CWF19L2: variants seen among roughly 807,000 people sequenced by gnomAD.
CWF19L2 encodes CWF19-like protein 2.
CWF19L2 carries 98 observed loss-of-function variants against 111.7 expected under a neutral mutation model. The observed-to-expected ratio is 0.88, with a 90% confidence interval of 0.75 to 1.04. CWF19L2 has a LOEUF of 1.04. Ranked by LOEUF, CWF19L2 falls within the 50% of genes least tolerant of loss-of-function variation. The probability of loss-of-function intolerance (pLI) is 0.00; values close to 1 mark genes in which losing one functional copy is unlikely to be tolerated. For missense variants in CWF19L2, 1,101 were observed against 1,051.4 expected, an observed-to-expected ratio of 1.05 and a Z score of -0.65; for synonymous variants, 351 against 342.9, an observed-to-expected ratio of 1.02 and a Z score of -0.26.
At chr11:107,337,135 T>C (rs989914327) in intron 14 of CWF19L2, among the ~76,000 whole-genome samples, 3 of 152,218 alleles carry the variant, frequency 2.0e-5, no homozygotes, top group Non-Finnish European at 1.5e-5. Flanking sequence ...TTCCAATTGT[T>C]TTCCTATGCT....
At chr11:107,346,701 T>C (rs1393632542) in intron 14 of CWF19L2, among the ~76,000 whole-genome samples, 1 of 152,094 alleles carries the variant, frequency 6.6e-6, no homozygotes, top group Non-Finnish European at 1.5e-5. Flanking sequence ...TAAAACAAGG[T>C]AGCTGGGCTA....
At chr11:107,361,957 G>C (rs944574137) in intron 12 of CWF19L2, among the ~76,000 whole-genome samples, 1 of 152,216 alleles carries the variant, frequency 6.6e-6, no homozygotes, top group Non-Finnish European at 1.5e-5. Context: ...GCGCAGGTTA[G>C]TGGGTGCACG....
At position 107,349,006 on chromosome 11, in the gene CWF19L2, G is replaced by T. The variant is rs1391122164; in HGVS notation, c.2133C>A (p.Cys711Ter). ...PNVRSLTEGH[C>*]LIVPLQHHRA... ...TATGGTGCTGCAAAGGGACTATCAG[G>T]CAGTGCCCCTCAGTAAGAGACCGTA... The change falls in exon 14 of 18, where the codon TGC (cysteine) becomes TGA (stop). Residue 711 changes from cysteine (C) to a stop codon, truncating the protein, a stop_gained. Coordinates refer to ENST00000282251, the MANE Select transcript of CWF19L2 (RefSeq NM_152434.3). LOFTEE classifies it high-confidence loss of function. The T allele has an allele frequency of 6.2e-7, 1 of 1,610,556 alleles. No individual in the cohort carries two copies. Among genetic ancestry groups the T allele is most frequent in the African/African-American group, 1.3e-5 (1 of 74,788 alleles).
intron 7 of CWF19L2, among the ~76,000 whole-genome samples, chr11:107,430,250 G>A (rs1861446650): frequency 6.6e-6 from 1 of 151,388 alleles, no homozygotes; most frequent in African/African-American, 2.4e-5. Context: ...ATCAGGGAAG[G>A]AGTGAATAAG....
intron 12 of CWF19L2, among the ~76,000 whole-genome samples, chr11:107,384,056 G>A (rs147287377): frequency 6.6e-6 from 1 of 152,322 alleles, no homozygotes; most frequent in Non-Finnish European, 1.5e-5. Flanking sequence ...ATGTGCCAGT[G>A]TGTCCCCAGT....
intron 3 of CWF19L2, among the ~76,000 whole-genome samples, chr11:107,449,240 A>G (rs1861745460): frequency 6.6e-6 from 1 of 152,026 alleles, no homozygotes; most frequent in South Asian, 2.1e-4. Flanking sequence ...GTTTGTGGTA[A>G]AAGAAAAAAA....
At chr11:107,334,837 T>C (rs993883165) in intron 16 of CWF19L2, 44 bp downstream of exon 16, 1 of 1,186,864 alleles carries the variant, frequency 8.4e-7, no homozygotes, top group Non-Finnish European at 1.3e-6. Context: ...ATAAAGATCC[T>C]GAGCACTAGG....
chr11:107,382,633 G>C (rs986130711), intron 12 of CWF19L2, among the ~76,000 whole-genome samples: 3 of 152,138 alleles, frequency 2.0e-5, no homozygotes, highest in African/African-American at 7.2e-5. Flanking sequence ...CACATCTATG[G>C]TAAGAAAATT....
intron 14 of CWF19L2, among the ~76,000 whole-genome samples, chr11:107,345,948 A>G (rs1860073971): frequency 6.6e-6 from 1 of 152,120 alleles, no homozygotes; most frequent in South Asian, 2.1e-4. Context: ...TAGTAAAAAA[A>G]CACTTCATTC....
chr11:107,399,719 T>G (rs1172348480), intron 10 of CWF19L2, among the ~76,000 whole-genome samples: 1 of 152,210 alleles, frequency 6.6e-6, no homozygotes, highest in Non-Finnish European at 1.5e-5. Flanking sequence ...CAAATGGATT[T>G]AACAGATATA....
chr11:107,404,463 C>T, intron 10 of CWF19L2: 7 of 768,918 alleles, frequency 9.1e-6, no homozygotes, highest in South Asian at 8.1e-5. Context: ...CCCGGGTTCC[C>T]TCCCAGCCCT....
chr11:107,368,507 A>G (rs1388754842), intron 12 of CWF19L2, among the ~76,000 whole-genome samples: 2 of 138,082 alleles, frequency 1.4e-5, no homozygotes, highest in Admixed American at 1.4e-4. Context: ...CGTCACAGTA[A>G]CTACTAAACT....
Position 107,326,921 on chromosome 11 carries a change from T to C in CWF19L2, c.2674A>G (p.Lys892Glu). 1.3e-6 allele frequency: 2 copies of C among 1,597,682 alleles called. No homozygotes were observed. Among genetic ancestry groups the C allele is most frequent in the Non-Finnish European group, 1.7e-6 (2 of 1,174,702 alleles). The change falls in exon 18 of 18, where the codon AAA becomes GAA. Residue 892 changes from lysine (K) to glutamate (E), a missense_variant. Transcript: ENST00000282251. Reference sequence around the variant, plus strand: ...ATGGAAGGTACACCTCAATAGTTTTTACTTTTGGTGAAGTCATATGGTTTC... The same window carrying C: ...ATGGAAGGTACACCTCAATAGTTTTCACTTTTGGTGAAGTCATATGGTTTC... ...WWKPYDFTKS[K>E]NY
chr11:107,395,762 T>C (rs2134600434), intron 10 of CWF19L2, among the ~76,000 whole-genome samples: 1 of 152,362 alleles, frequency 6.6e-6, no homozygotes, highest in African/African-American at 2.4e-5. Context: ...TCACAGCCAA[T>C]GCTCTGTTCC....
rs1391122164 is a variant in CWF19L2 at position 107,349,006 on chromosome 11, G to A, written c.2133C>T (p.Cys711=). ...TATGGTGCTGCAAAGGGACTATCAGGCAGTGCCCCTCAGTAAGAGACCGTA... is the reference window on the plus strand; with the variant it reads ...TATGGTGCTGCAAAGGGACTATCAGACAGTGCCCCTCAGTAAGAGACCGTA... The part of the protein sequence containing the change: ...PNVRSLTEGH[C]LIVPLQHHRA... Residue 711 remains cysteine, a synonymous_variant, in exon 14 of 18, where the codon TGC becomes TGT. Coordinates refer to ENST00000282251, the MANE Select transcript of CWF19L2 (RefSeq NM_152434.3). The A allele has an allele frequency of 6.2e-7, 1 of 1,610,676 alleles. No individual in the cohort carries two copies. Among genetic ancestry groups the A allele is most frequent in the Non-Finnish European group, 8.5e-7 (1 of 1,177,772 alleles).
At chr11:107,433,553 T>C (rs1037747772) in intron 7 of CWF19L2, 81 bp downstream of exon 7, 8 of 460,186 alleles carry the variant, frequency 1.7e-5, no homozygotes, top group Middle Eastern at 3.1e-4. Flanking sequence ...CAATTCTTCA[T>C]GGCACAAAAC....
chr11:107,453,359 A>T (rs1242529491), intron 3 of CWF19L2, among the ~76,000 whole-genome samples: 1 of 151,834 alleles, frequency 6.6e-6, no homozygotes, highest in Non-Finnish European at 1.5e-5. Context: ...TGCTTACACC[A>T]CCTCTCCCCC....
At chr11:107,370,549 G>GA (rs11376850) in intron 12 of CWF19L2, among the ~76,000 whole-genome samples, 90,292 of 119,854 alleles carry the variant, frequency 0.75, 37,590 homozygotes, top group African/African-American at 0.9. Flanking sequence ...TTCTTCAAGG[G>GA]AAAAAAAAAA....
At chr11:107,405,137 T>C (rs1246041567) in intron 10 of CWF19L2, among the ~76,000 whole-genome samples, 2 of 152,232 alleles carry the variant, frequency 1.3e-5, no homozygotes, top group Non-Finnish European at 2.9e-5. Context: ...TAGTATTTCA[T>C]GACAGATTAA....
Sources: allele counts gnomAD v4.1 joint callset (sites outside exome capture counted in the v4.1 genomes callset), GRCh38; gene constraint gnomAD v4.1.1; transcripts MANE v1.5; gene names NCBI Gene and HGNC (gene_info 2026-07-23, HGNC 2026-07-21).